Variants in JAK1 observed in about 807,000 individuals in gnomAD.
JAK1 encodes the protein Janus kinase 1.
JAK1 carries 16 observed loss-of-function variants against 136.6 expected under a neutral mutation model. That is an observed-to-expected ratio of 0.12 (90% CI 0.08 to 0.18). JAK1 has a LOEUF of 0.18. Among genes scored for constraint, JAK1 ranks in the 10% least tolerant of loss-of-function variants. The pLI, the probability that JAK1 is intolerant of heterozygous loss-of-function variation, is 1.00. For synonymous variants in JAK1, 492 were observed against 519.5 expected, an observed-to-expected ratio of 0.95 and a Z score of 0.72; for missense variants, 859 against 1,450.1, an observed-to-expected ratio of 0.59 and a Z score of 6.62.
At chr1:65,024,660 C>CAAAAAAAAAA (rs11349903) in intron 2 of JAK1, among the ~76,000 whole-genome samples, 2 of 69,856 alleles carry the variant, frequency 2.9e-5, no homozygotes, top group Non-Finnish European at 3.0e-5. Context: ...TGGTCCAAAG[C>CAAAAAAAAAA]AAAAAAAAAA....
At chr1:64,849,279 T>G (rs1655437792) in intron 12 of JAK1, among the ~76,000 whole-genome samples, 1 of 152,064 alleles carries the variant, frequency 6.6e-6, no homozygotes. Context: ...AACCTCAAAC[T>G]CCTGGCCTTA....
At chr1:64,928,798 A>AAAAAAAAAAAAAAAAAAAAAAAAAC (rs1557699679) in intron 1 of JAK1, among the ~76,000 whole-genome samples, 6 of 89,988 alleles carry the variant, frequency 6.7e-5, no homozygotes, top group African/African-American at 2.9e-4. Flanking sequence ...AAAAAAAAAC[A>AAAAAAAAAAAAAAAAAAAAAAAAAC]AAAAAAAAAA....
intron 1 of JAK1, chr1:64,941,855 TA>T (rs1645895361): frequency 6.6e-6 from 1 of 152,164 alleles, no homozygotes; most frequent in Non-Finnish European, 1.5e-5. Flanking sequence ...CAGTGTTCTC[TA>T]GGAGAAGCAG....
chr1:64,896,734 AC>A, intron 1 of JAK1, among the ~76,000 whole-genome samples: 1 of 152,152 alleles, frequency 6.6e-6, no homozygotes, highest in East Asian at 1.9e-4. Context: ...CACAGGACAC[AC>A]CCGACCAAGC....
intron 22 of JAK1, among the ~76,000 whole-genome samples, chr1:64,836,800 T>G (rs1654507347): frequency 6.8e-6 from 1 of 148,122 alleles, no homozygotes; most frequent in South Asian, 2.1e-4. Flanking sequence ...CAAATCAGAC[T>G]CCCTGGCTCC....
At chr1:65,041,533 A>G (rs6684639) in intron 2 of JAK1, among the ~76,000 whole-genome samples, 23,642 of 151,998 alleles carry the variant, frequency 0.16, 2,363 homozygotes, top group African/African-American at 0.28. Flanking sequence ...CTCCTACCTG[A>G]TGGCCTCTGT....
intron 1 of JAK1, among the ~76,000 whole-genome samples, chr1:64,928,791 A>AAAAAAC (rs1227306009): frequency 8.0e-6 from 1 of 125,426 alleles, no homozygotes; most frequent in African/African-American, 3.6e-5. Flanking sequence ...AAAAAAAAAA[A>AAAAAAC]AAAAACAAAA....
intron 1 of JAK1, among the ~76,000 whole-genome samples, chr1:65,055,166 C>G (rs982067177): frequency 5.9e-5 from 9 of 152,164 alleles, no homozygotes; most frequent in African/African-American, 2.2e-4. Flanking sequence ...TCCATTCCCC[C>G]CTCTCCCCCA....
chr1:65,040,800 C>A (rs3014975), intron 2 of JAK1, among the ~76,000 whole-genome samples: 44,513 of 151,538 alleles, frequency 0.29, 7,888 homozygotes, highest in African/African-American at 0.47. Context: ...AGGGATACCA[C>A]GAAAAAAAAC....
At chr1:64,857,167 T>A (rs1205807918) in intron 10 of JAK1, among the ~76,000 whole-genome samples, 1 of 152,094 alleles carries the variant, frequency 6.6e-6, no homozygotes, top group Non-Finnish European at 1.5e-5. Context: ...TAAGATGGGG[T>A]GGCAATTTGT....
intron 7 of JAK1, 102 bp downstream of exon 7, chr1:64,866,764 T>C (rs970521735): frequency 2.5e-6 from 2 of 801,600 alleles, no homozygotes; most frequent in Non-Finnish European, 4.1e-6. Context: ...ACTCAGCCTA[T>C]GGGAGTGATG....
At chr1:65,037,301 A>C (rs913943223) in intron 2 of JAK1, among the ~76,000 whole-genome samples, 2 of 151,982 alleles carry the variant, frequency 1.3e-5, no homozygotes, top group African/African-American at 4.8e-5. Flanking sequence ...AATCATATGA[A>C]GTTTTTTTGT....
At chr1:64,845,361 C>T in intron 15 of JAK1, 152 bp downstream of exon 15, 7 of 856,556 alleles carry the variant, frequency 8.2e-6, no homozygotes, top group Non-Finnish European at 1.3e-5. Flanking sequence ...TCAGTAAGCA[C>T]CAGGCACACC....
chr1:65,055,688 A>C (rs1486657028), intron 1 of JAK1, among the ~76,000 whole-genome samples: 1 of 152,174 alleles, frequency 6.6e-6, no homozygotes, highest in Non-Finnish European at 1.5e-5. Flanking sequence ...TTCTCTCTTA[A>C]CCTGCTGGAA....
intron 6 of JAK1, 111 bp from the exon 7 acceptor site, chr1:64,867,319 A>C: frequency 2.7e-6 from 2 of 733,898 alleles, no homozygotes; most frequent in Non-Finnish European, 4.4e-6. Flanking sequence ...GGAAAGGGAG[A>C]TCTATTCCCA....
At chr1:64,896,056 T>G (rs1277432915) in intron 1 of JAK1, among the ~76,000 whole-genome samples, 1 of 152,224 alleles carries the variant, frequency 6.6e-6, no homozygotes, top group East Asian at 1.9e-4. Context: ...TAGATGGGTA[T>G]CCTGAAATAG....
At chr1:64,931,846 G>A (rs1645699018) in intron 1 of JAK1, among the ~76,000 whole-genome samples, 1 of 151,906 alleles carries the variant, frequency 6.6e-6, no homozygotes, top group Non-Finnish European at 1.5e-5. Context: ...CACACACAGA[G>A]ATCTAGCTAT....
Position 64,984,596 on chromosome 1 carries a change from G to T in JAK1, c.-78+59884C>A. On this transcript the variant is annotated intron_variant, in intron 2 of 25. Coordinates refer to the JAK1 transcript ENST00000671954. The surrounding 1 kb of genome is among the most constrained non-coding windows in gnomAD (Gnocchi z 4.1). The stretch of plus-strand genomic sequence containing the variant: ...TCCCTTGCTGGGAGGGAGGTTGAAG[G>T]AGGCATGATTTAGACATTGGTGGTG... The T allele has an allele frequency of 2.5e-6, 1 of 402,128 alleles. No individual in the cohort carries two copies. The highest frequency in any genetic ancestry group is 3.1e-5 in the South Asian group (1 of 32,784). 24.9% of individuals were successfully genotyped at this position (402,128 alleles called of 1,614,324 possible).
At chr1:64,902,945 C>G (rs1012876828) in intron 1 of JAK1, among the ~76,000 whole-genome samples, 4 of 152,102 alleles carry the variant, frequency 2.6e-5, no homozygotes, top group African/African-American at 9.7e-5. Context: ...CAGCTTCTAC[C>G]CTGGAGACCA....
Sources: allele counts gnomAD v4.1 joint callset (sites outside exome capture counted in the v4.1 genomes callset), GRCh38; gene constraint gnomAD v4.1.1; non-coding constraint Gnocchi (gnomAD v3.1); transcripts MANE v1.5; gene names NCBI Gene and HGNC (gene_info 2026-07-23, HGNC 2026-07-21).